ADAMTS12: variants seen among roughly 807,000 people sequenced by gnomAD.
The protein encoded by ADAMTS12 is ADAM metallopeptidase with thrombospondin type 1 motif 12.
ADAMTS12 carries 118 observed loss-of-function variants against 167.8 expected under a neutral mutation model. The ratio of observed to expected loss-of-function variants is 0.70; its 90% CI spans 0.61 to 0.82. The LOEUF is 0.82. Among genes scored for constraint, ADAMTS12 ranks in the 40% least tolerant of loss-of-function variants. The probability of loss-of-function intolerance (pLI) is 0.00; values close to 1 mark genes in which losing one functional copy is unlikely to be tolerated. For synonymous variants in ADAMTS12, 704 were observed against 716.9 expected, an observed-to-expected ratio of 0.98 and a Z score of 0.29; for missense variants, 1,916 against 1,998.8, an observed-to-expected ratio of 0.96 and a Z score of 0.79.
Position 33,637,580 on chromosome 5 carries a change from G to A in ADAMTS12, c.1885C>T (p.Pro629Ser), listed in dbSNP as rs577499435. 7 of 1,612,582 alleles carry A rather than the reference G, an allele frequency of 4.3e-6. No homozygotes were observed. Among genetic ancestry groups the A allele is most frequent in the Non-Finnish European group, 4.2e-6 (5 of 1,179,136 alleles). ...ATACACCATTACAGCTCCTTACCTG[G>A]GTTAAAAATGGGAAACCAGTGGTAG... Reference protein sequence around the residue: ...ELYHWFPIFNPAHPCELYCRP... With the variant: ...ELYHWFPIFNSAHPCELYCRP... The change falls in exon 12 of 24, where the codon CCA (proline) becomes TCA (serine). Residue 629 changes from proline (P) to serine (S), a missense_variant. Physicochemically the swap from Pro to Ser is moderately conservative, Grantham distance 74 (BLOSUM62 -1). Coordinates refer to ENST00000504830, the MANE Select transcript of ADAMTS12 (RefSeq NM_030955.4).
chr5:33,625,590 G>A (rs941973705), intron 13 of ADAMTS12, among the ~76,000 whole-genome samples: 2 of 152,170 alleles, frequency 1.3e-5, no homozygotes, highest in Admixed American at 1.3e-4. Context: ...TAAAAAATGT[G>A]AAGAATAAAG....
chr5:33,613,466 C>T (rs1024662861), intron 16 of ADAMTS12, among the ~76,000 whole-genome samples: 1 of 152,166 alleles, frequency 6.6e-6, no homozygotes, highest in African/African-American at 2.4e-5. Context: ...TGACTAACGC[C>T]AACCAACGAG....
At chr5:33,639,030 G>C (rs779499770) in intron 11 of ADAMTS12, among the ~76,000 whole-genome samples, 2 of 152,056 alleles carry the variant, frequency 1.3e-5, no homozygotes, top group Non-Finnish European at 2.9e-5. Context: ...TTCGAATTTG[G>C]TATTATCTTT....
At chr5:33,617,036 A>G (rs1561171002) in intron 14 of ADAMTS12, among the ~76,000 whole-genome samples, 1 of 152,204 alleles carries the variant, frequency 6.6e-6, no homozygotes, top group Non-Finnish European at 1.5e-5. Context: ...GGGAGTTGAA[A>G]GACTTGCATT....
intron 2 of ADAMTS12, among the ~76,000 whole-genome samples, chr5:33,857,196 G>A (rs1348260162): frequency 6.6e-6 from 1 of 152,190 alleles, no homozygotes; most frequent in Non-Finnish European, 1.5e-5. Context: ...TCACTTATAT[G>A]TGGAACCAAA....
chr5:33,533,292 A>G (rs1201557435), intron 23 of ADAMTS12, among the ~76,000 whole-genome samples: 1 of 152,238 alleles, frequency 6.6e-6, no homozygotes, highest in Non-Finnish European at 1.5e-5. Context: ...ATAACACAAC[A>G]TAGAAGGGAT....
intron 2 of ADAMTS12, among the ~76,000 whole-genome samples, chr5:33,811,626 T>C (rs891875094): frequency 1.3e-5 from 2 of 152,196 alleles, no homozygotes; most frequent in East Asian, 3.9e-4. Context: ...AATGGGGCCA[T>C]ATCCTCCAGG....
At chr5:33,809,247 A>C (rs925264204) in intron 2 of ADAMTS12, among the ~76,000 whole-genome samples, 1 of 152,112 alleles carries the variant, frequency 6.6e-6, no homozygotes, top group African/African-American at 2.4e-5. Context: ...TTTCTTACTC[A>C]CTTCCAGGTG....
intron 6 of ADAMTS12, among the ~76,000 whole-genome samples, chr5:33,658,903 A>C (rs1402231141): frequency 6.6e-6 from 1 of 152,190 alleles, no homozygotes; most frequent in African/African-American, 2.4e-5. Flanking sequence ...TACATCTAGA[A>C]TCTCAGAAAA....
At chr5:33,876,937 T>A (rs1750250560) in intron 2 of ADAMTS12, among the ~76,000 whole-genome samples, 1 of 152,156 alleles carries the variant, frequency 6.6e-6, no homozygotes, top group Non-Finnish European at 1.5e-5. Context: ...AAATAAAAAG[T>A]TTAACATAAA....
intron 2 of ADAMTS12, among the ~76,000 whole-genome samples, chr5:33,870,863 C>G (rs1443212413): frequency 1.3e-5 from 2 of 152,186 alleles, no homozygotes; most frequent in African/African-American, 4.8e-5. Context: ...TGCCTCCTTC[C>G]TCTTTGCCTT....
At chr5:33,714,463 G>A (rs921321603) in intron 3 of ADAMTS12, among the ~76,000 whole-genome samples, 3 of 152,046 alleles carry the variant, frequency 2.0e-5, no homozygotes, top group Non-Finnish European at 4.4e-5. Context: ...TTATCCAAAG[G>A]AAAGGAAATC....
chr5:33,835,953 CTGTGTGTG>C (rs146410588), intron 2 of ADAMTS12, among the ~76,000 whole-genome samples: 1,631 of 88,444 alleles, frequency 0.018, 51 homozygotes, highest in African/African-American at 0.063. Context: ...CTCTCTCTCT[CTGTGTGTG>C]TGTGTGTGTC....
At chr5:33,838,840 A>C (rs1465144022) in intron 2 of ADAMTS12, among the ~76,000 whole-genome samples, 5 of 152,160 alleles carry the variant, frequency 3.3e-5, no homozygotes, top group Non-Finnish European at 7.4e-5. Flanking sequence ...CTTACCACAG[A>C]ATAAGGAAGG....
At chr5:33,686,667 G>C (rs1210176307) in intron 3 of ADAMTS12, among the ~76,000 whole-genome samples, 1 of 151,248 alleles carries the variant, frequency 6.6e-6, no homozygotes, top group East Asian at 2.0e-4. Context: ...CATGGGATTA[G>C]TGTCCTTATA....
At chr5:33,568,020 C>T (rs1421940598) in intron 19 of ADAMTS12, among the ~76,000 whole-genome samples, 3 of 152,144 alleles carry the variant, frequency 2.0e-5, no homozygotes. Flanking sequence ...AGGGAAAATA[C>T]TACCAATCTC....
intron 2 of ADAMTS12, among the ~76,000 whole-genome samples, chr5:33,804,555 A>G (rs1747149107): frequency 6.6e-6 from 1 of 152,232 alleles, no homozygotes. Flanking sequence ...ACTGAGTTTT[A>G]GAGTGGCATT....
At chr5:33,786,751 C>T (rs942944760) in intron 2 of ADAMTS12, among the ~76,000 whole-genome samples, 2 of 152,132 alleles carry the variant, frequency 1.3e-5, no homozygotes, top group Admixed American at 6.6e-5. Context: ...GGCAGTGCAA[C>T]GTGGGATAAA....
chr5:33,633,910 G>C (rs778339666), intron 12 of ADAMTS12, among the ~76,000 whole-genome samples: 3 of 151,948 alleles, frequency 2.0e-5, no homozygotes, highest in Non-Finnish European at 2.9e-5. Context: ...GCTTTCAAAA[G>C]CTTTCAAGTC....
Sources: gnomAD v4.1 joint callset for allele counts (sites outside exome capture counted in the v4.1 genomes callset) on GRCh38, gnomAD v4.1.1 for gene constraint, MANE v1.5 for transcripts, NCBI Gene and HGNC (gene_info 2026-07-23, HGNC 2026-07-21) for gene names.